DNM3: variants seen among roughly 807,000 people sequenced by gnomAD.
DNM3 encodes the protein dynamin-3.
Under a neutral mutation model 101.6 loss-of-function variants are expected in DNM3, and 47 were observed. The observed-to-expected ratio is 0.46, with a 90% CI of 0.37 to 0.59. The LOEUF is 0.59. Among genes scored for constraint, DNM3 ranks in the 20% least tolerant of loss-of-function variants. DNM3 has a pLI of 0.00. For synonymous variants in DNM3, 385 were observed against 387.9 expected, an observed-to-expected ratio of 0.99 and a Z score of 0.09; for missense variants, 849 against 1,085.7, an observed-to-expected ratio of 0.78 and a Z score of 3.06.
chr1:172,349,935 G>A (rs1272667786), intron 17 of DNM3, among the ~76,000 whole-genome samples: 4 of 152,262 alleles, frequency 2.6e-5, no homozygotes, highest in South Asian at 4.1e-4. Context: ...AAGCCCTCAT[G>A]TATATAGAAA....
At chr1:172,300,231 GTTAT>G (rs61415794) in intron 15 of DNM3, among the ~76,000 whole-genome samples, 4,605 of 151,972 alleles carry the variant, frequency 0.03, 188 homozygotes, top group African/African-American at 0.097. Flanking sequence ...TTTTAATGGG[GTTAT>G]TTGTTTTTCA....
At chr1:172,200,189 T>C (rs985944592) in intron 14 of DNM3, among the ~76,000 whole-genome samples, 1 of 152,176 alleles carries the variant, frequency 6.6e-6, no homozygotes, top group Non-Finnish European at 1.5e-5. Flanking sequence ...GTATATGAAA[T>C]TCTTGGTTGA....
intron 15 of DNM3, among the ~76,000 whole-genome samples, chr1:172,301,524 A>G (rs1309206334): frequency 2.0e-5 from 3 of 152,102 alleles, no homozygotes; most frequent in Non-Finnish European, 4.4e-5. Context: ...AAAACAAAAA[A>G]CCTTTAGATC....
At chr1:171,855,775 C>T (rs2033539612) in intron 1 of DNM3, among the ~76,000 whole-genome samples, 1 of 152,082 alleles carries the variant, frequency 6.6e-6, no homozygotes, top group African/African-American at 2.4e-5. Context: ...GATATTAGAC[C>T]TTTGTCAGAT....
rs370594629 is a variant in DNM3, at chr1:171,950,408, C to G, written c.235+28587C>G. 9.9e-5 allele frequency among the ~76,000 whole-genome samples: 15 copies of G among 152,208 alleles called. No individual in the cohort carries two copies. In the East Asian group the frequency reaches 2.5e-3, roughly 25 times the overall value. Reference sequence around the variant, plus strand: ...CAACCATGAGATCATGAGGTAAACACTGATATTCTTCAGCATACTGTGTTA... The same window carrying G: ...CAACCATGAGATCATGAGGTAAACAGTGATATTCTTCAGCATACTGTGTTA... On this transcript the variant is annotated intron_variant, in intron 2 of 20. Coordinates refer to ENST00000627582, the MANE Select transcript of DNM3 (RefSeq NM_015569.5).
intron 1 of DNM3, among the ~76,000 whole-genome samples, chr1:171,901,127 A>G (rs1479899324): frequency 6.7e-6 from 1 of 149,212 alleles, no homozygotes; most frequent in Non-Finnish European, 1.5e-5. Context: ...AAAAAAAAAA[A>G]AAAAGAAAGA....
At chr1:172,048,588 G>T in intron 9 of DNM3, 24 bp from the exon 10 acceptor site, 4 of 1,582,924 alleles carry the variant, frequency 2.5e-6, no homozygotes, top group South Asian at 1.2e-5. Flanking sequence ...AAATCTCATG[G>T]GCTGCTTGCT....
chr1:172,312,537 G>A (rs149625997), intron 16 of DNM3, among the ~76,000 whole-genome samples: 9 of 151,938 alleles, frequency 5.9e-5, no homozygotes, highest in Non-Finnish European at 1.2e-4. Context: ...TTTCCATCAC[G>A]TCCAAGTGAT....
chr1:171,954,772 A>G (rs1474699498), intron 2 of DNM3, among the ~76,000 whole-genome samples: 1 of 152,240 alleles, frequency 6.6e-6, no homozygotes, highest in East Asian at 1.9e-4. Flanking sequence ...TAATGAAAAC[A>G]TATTTTCACA....
At chr1:172,321,580 C>G (rs1210008008) in intron 16 of DNM3, among the ~76,000 whole-genome samples, 2 of 152,172 alleles carry the variant, frequency 1.3e-5, no homozygotes, top group African/African-American at 4.8e-5. Context: ...CCAAGCCACA[C>G]CACGTCCTCC....
intron 15 of DNM3, among the ~76,000 whole-genome samples, chr1:172,258,551 C>A (rs953900993): frequency 2.0e-5 from 3 of 151,996 alleles, no homozygotes; most frequent in Non-Finnish European, 4.4e-5. Flanking sequence ...TTTGTTAGTG[C>A]ATAGTTTTTC....
intron 2 of DNM3, among the ~76,000 whole-genome samples, chr1:171,984,935 A>G (rs2045134131): frequency 1.3e-5 from 2 of 152,252 alleles, no homozygotes; most frequent in Admixed American, 1.3e-4. Flanking sequence ...AACAATTATC[A>G]TCTCTTGATT....
chr1:171,983,472 A>G (rs1471082218), intron 2 of DNM3, among the ~76,000 whole-genome samples: 1 of 151,956 alleles, frequency 6.6e-6, no homozygotes, highest in Non-Finnish European at 1.5e-5. Flanking sequence ...GTTACTGGAC[A>G]TGTTGGCAGG....
At chr1:172,035,842 C>T (rs2048916601) in intron 6 of DNM3, among the ~76,000 whole-genome samples, 1 of 152,032 alleles carries the variant, frequency 6.6e-6, no homozygotes, top group Admixed American at 6.6e-5. Flanking sequence ...TTTATTACTG[C>T]AAGCAAGGGG....
At chr1:172,109,990 T>A (rs2055343297) in intron 13 of DNM3, among the ~76,000 whole-genome samples, 1 of 152,256 alleles carries the variant, frequency 6.6e-6, no homozygotes, top group African/African-American at 2.4e-5. Flanking sequence ...ACAGTTAATG[T>A]GTTGTTCTTT....
At chr1:172,074,111 C>T (rs2052439158) in intron 11 of DNM3, among the ~76,000 whole-genome samples, 1 of 152,084 alleles carries the variant, frequency 6.6e-6, no homozygotes. Flanking sequence ...GTTCTAGGCA[C>T]TGGAGATGTA....
chr1:172,277,250 G>A lies in DNM3; in HGVS notation c.1769+23568G>A, dbSNP rs116470882. On this transcript the variant is annotated intron_variant, in intron 15 of 20. Transcript: ENST00000627582. ...TTCTAGGACTCTAACCAGCCTTAAC[G>A]TTTGTATAAGTAATCAGAAATACTT... 9.6e-3 allele frequency among the ~76,000 whole-genome samples: 1,456 copies of A among 152,100 alleles called. 18 individuals carry two copies. Among genetic ancestry groups the A allele is most frequent in the African/African-American group, 0.033 (1,378 of 41,522 alleles).
intron 10 of DNM3, among the ~76,000 whole-genome samples, chr1:172,050,536 G>C (rs139692698): frequency 9.4e-4 from 143 of 152,290 alleles, no homozygotes; most frequent in African/African-American, 2.8e-3. Flanking sequence ...AAACTAAACT[G>C]AATGCTATGA....
chr1:172,344,627 T>G (rs995196133), intron 17 of DNM3, among the ~76,000 whole-genome samples: 5 of 152,234 alleles, frequency 3.3e-5, no homozygotes, highest in Non-Finnish European at 5.9e-5. Flanking sequence ...TCCCTGCTAA[T>G]TACCTCCTTC....
Sources: gnomAD v4.1 joint callset for allele counts (sites outside exome capture counted in the v4.1 genomes callset) on GRCh38, gnomAD v4.1.1 for gene constraint, MANE v1.5 for transcripts, NCBI Gene and HGNC (gene_info 2026-07-23, HGNC 2026-07-21) for gene names.